The following OR6S1 variants were observed in gnomAD, a reference collection of about 807,000 sequenced individuals.
The protein encoded by OR6S1 is olfactory receptor family 6 subfamily S member 1.
For missense variants in OR6S1, 443 were observed against 401.7 expected (o/e 1.10, Z -0.88); for synonymous variants, 182 against 166.0 (o/e 1.10, Z -0.74).
rs373487750 is a variant in OR6S1, at chr14:20,641,299, A to T, written c.393T>A (p.Pro131=). The T allele has an allele frequency of 2.4e-5, 39 of 1,614,144 alleles. No homozygotes were observed. In the African/African-American group the frequency reaches 4.9e-4, roughly 20 times the overall value. ...CACTCATGAGCAAGGGGTAGCGCAG[A>T]GGATGACAGATGGCCAGGTAGCGAT... ...SADRYLAICH[P]LRYPLLMSGA... is the part of the protein sequence containing the mutation. The change falls in exon 1 of 1, where the codon CCT becomes CCA. Residue 131 remains proline (P), a synonymous_variant. Coordinates refer to ENST00000320704, the MANE Select transcript of OR6S1 (RefSeq NM_001001968.1).
At position 20,641,449 on chromosome 14, in the gene OR6S1, T is replaced by C. The variant is rs774585660; in HGVS notation, c.243A>G (p.Pro81=). The C allele has an allele frequency of 6.2e-7, 1 of 1,614,124 alleles. No homozygotes were observed. The highest frequency in any genetic ancestry group is 1.7e-5 in the Admixed American group (1 of 60,012). The change falls in exon 1 of 1, where the codon CCA becomes CCG. Residue 81 remains proline (P), a synonymous_variant. Transcript: ENST00000320704. ...LEILLTSVII[P]KMLSNFLSRQ... ...TTGAGAGGAAATTGCTCAGCATCTT[T>C]GGAATGATGACAGAAGTGAGCAGTA...
Position 20,641,276 on chromosome 14 carries a change from C to G in OR6S1, c.416G>C (p.Ser139Thr), listed in dbSNP as rs775459797. The G allele has an allele frequency of 6.2e-6, 10 of 1,614,160 alleles. No homozygotes were observed. The Admixed American group carries it at 1.7e-4, about 27-fold the overall frequency. The change falls in exon 1 of 1, where the codon AGT becomes ACT. Residue 139 changes from serine (S) to threonine (T), a missense_variant. Ser to Thr is a moderately conservative substitution (Grantham distance 58). Coordinates refer to ENST00000320704, the MANE Select transcript of OR6S1 (RefSeq NM_001001968.1). ...GGCCACACGAAAGCACACAGCCCCA[C>G]TCATGAGCAAGGGGTAGCGCAGAGG... ...CHPLRYPLLM[S>T]GAVCFRVALA...
chr14:20,641,510 A>G lies in OR6S1; in HGVS notation c.182T>C (p.Met61Thr), dbSNP rs141925359. 6.2e-7 allele frequency: 1 copy of G among 1,613,716 alleles called. No individual in the cohort carries two copies. The highest frequency in any genetic ancestry group is 1.3e-5 in the African/African-American group (1 of 75,046). The part of the protein sequence containing the change: ...VRADTRLQTP[M>T]YFFLGNLSCL... ...GGACAGGTTACCCAGAAAGAAGTAC[A>G]TAGGGGTCTGTAGTCGAGTATCAGC... is the stretch of plus-strand genomic sequence containing the variant. Residue 61 changes from methionine (M) to threonine (T), a missense_variant, in exon 1 of 1, where the codon ATG becomes ACG. Physicochemically the swap from Met to Thr is moderately conservative, Grantham distance 81. Coordinates refer to ENST00000320704, the MANE Select transcript of OR6S1 (RefSeq NM_001001968.1).
In OR6S1 at chr14:20,641,133, G is replaced by C. The variant is rs142007578; in HGVS notation, c.559C>G (p.Leu187Val). 2.1e-5 allele frequency: 34 copies of C among 1,613,964 alleles called. No homozygotes were observed. The African/African-American group carries it at 4.4e-4, about 21-fold the overall frequency. ...VQHFFCDSGP[L>V]LRLACTNTKK... The stretch of plus-strand genomic sequence containing the variant: ...GTGTTGGTGCAAGCCAGGCGGAGCA[G>C]TGGGCCACTGTCGCAGAAGAAGTGC... Residue 187 changes from leucine (L) to valine (V), a missense_variant, in exon 1 of 1, where the codon CTG (leucine) becomes GTG (valine). Coordinates refer to ENST00000320704, the MANE Select transcript of OR6S1 (RefSeq NM_001001968.1).
At position 20,641,446 on chromosome 14, in the gene OR6S1, C is replaced by A. The variant is rs771041023; in HGVS notation, c.246G>T (p.Lys82Asn). 1 of 1,614,150 alleles carries A rather than the reference C, an allele frequency of 6.2e-7. No individual in the cohort carries two copies. The highest frequency in any genetic ancestry group is 8.5e-7 in the Non-Finnish European group (1 of 1,180,000). Residue 82 changes from lysine (K) to asparagine (N), a missense_variant, in exon 1 of 1, where the codon AAG becomes AAT. By Grantham distance (94) the Lys-to-Asn change is moderately conservative (BLOSUM62 0). Coordinates refer to ENST00000320704, the MANE Select transcript of OR6S1 (RefSeq NM_001001968.1). ...EILLTSVIIP[K>N]MLSNFLSRQH... ...GCCTTGAGAGGAAATTGCTCAGCAT[C>A]TTTGGAATGATGACAGAAGTGAGCA...
rs17277515 is a variant in OR6S1 at position 20,640,750 on chromosome 14, G to A, written c.942C>T (p.Gly314=). Residue 314 remains glycine, a synonymous_variant, in exon 1 of 1, where the codon GGC becomes GGT. Transcript: ENST00000320704. The part of the protein sequence containing the change: ...LKDMFRKVVA[G]VLGNLLLDKC... The stretch of plus-strand genomic sequence containing the variant: ...TATCAAGTAAAAGATTCCCTAAAAC[G>A]CCTGCCACTACCTTCCTAAACATGT... 156,717 of 1,573,244 alleles carry A rather than the reference G, an allele frequency of 0.1. 8,081 individuals are homozygous for A. The highest frequency in any genetic ancestry group is 0.16 in the Admixed American group (9,031 of 58,246).
rs374448839 is a variant in OR6S1, at chr14:20,641,227, G to T, written c.465C>A (p.Leu155=). 1.2e-6 allele frequency: 2 copies of T among 1,613,920 alleles called. 1 individual carries two copies. Among genetic ancestry groups the T allele is most frequent in the African/African-American group, 2.7e-5 (2 of 74,920 alleles). ...RVALACWVGG[L]VPVLGPTVAV... is the part of the protein sequence containing the mutation. ...CCACTGTGGGACCAAGCACAGGGAC[G>T]AGTCCCCCCACCCAGCAGGCCAAGG... is the stretch of plus-strand genomic sequence containing the variant. The change falls in exon 1 of 1, where the codon CTC becomes CTA. Residue 155 remains leucine, a synonymous_variant. Transcript: ENST00000320704.
Position 20,640,897 on chromosome 14 carries a change from T to C in OR6S1, c.795A>G (p.Pro265=). The change falls in exon 1 of 1, where the codon CCA becomes CCG. Residue 265 remains proline (P), a synonymous_variant. Transcript: ENST00000320704. ...YGSAIFLYVR[P]SQSGSVDTNW... ...TAGTGTCCACAGAACCACTCTGCGA[T>C]GGCCGCACATAGAGAAAAATGGCAC... is the stretch of plus-strand genomic sequence containing the variant. 5 of 1,614,094 alleles carry C rather than the reference T, an allele frequency of 3.1e-6. No individual in the cohort carries two copies. Among genetic ancestry groups the C allele is most frequent in the East Asian group, 2.2e-5 (1 of 44,876 alleles).
Position 20,640,806 on chromosome 14 carries a change from G to C in OR6S1, c.886C>G (p.Arg296Gly). The change falls in exon 1 of 1, where the codon CGT (arginine) becomes GGT (glycine). Residue 296 changes from arginine to glycine, a missense_variant. Coordinates refer to ENST00000320704, the MANE Select transcript of OR6S1 (RefSeq NM_001001968.1). ...AAAGCTTCCTTGACTTGCTCATTAC[G>C]TAAGGCATAGATGAATGGATTCAAC... ...PLLNPFIYAL[R>G]NEQVKEALKD... The C allele has an allele frequency of 6.2e-7, 1 of 1,613,862 alleles. No homozygotes were observed. Among genetic ancestry groups the C allele is most frequent in the Non-Finnish European group, 8.5e-7 (1 of 1,179,954 alleles).
Position 20,640,868 on chromosome 14 carries a change from C to T in OR6S1, c.824G>A (p.Trp275Ter), listed in dbSNP as rs1359443884. 3.1e-6 allele frequency: 5 copies of T among 1,613,976 alleles called. No individual in the cohort carries two copies. The highest frequency in any genetic ancestry group is 4.2e-6 in the Non-Finnish European group (5 of 1,179,996). The change falls in exon 1 of 1, where the codon TGG becomes TAG. Residue 275 changes from tryptophan (W) to a stop codon, truncating the protein, a stop_gained. Coordinates refer to ENST00000320704, the MANE Select transcript of OR6S1 (RefSeq NM_001001968.1). LOFTEE classifies it low-confidence loss of function (END_TRUNC). ...AAATGTCGTTATTACTGTCACTGCC[C>T]AGTTAGTGTCCACAGAACCACTCTG... is the stretch of plus-strand genomic sequence containing the variant. ...PSQSGSVDTN[W>*]AVTVITTFVT...
Position 20,641,587 on chromosome 14 carries a change from A to C in OR6S1, c.105T>G (p.Leu35=). The part of the protein sequence containing the change: ...ARVELFSVFL[L]VYLLNLTGNV... ...TGCCTGTCAGATTCAGGAGATAGACAAGAAGAAACACAGAAAATAATTCCA... is the reference window on the plus strand; with the variant it reads ...TGCCTGTCAGATTCAGGAGATAGACCAGAAGAAACACAGAAAATAATTCCA... Residue 35 remains leucine (L), a synonymous_variant, in exon 1 of 1, where the codon CTT becomes CTG. Coordinates refer to ENST00000320704, the MANE Select transcript of OR6S1 (RefSeq NM_001001968.1). The C allele has an allele frequency of 6.2e-7, 1 of 1,613,950 alleles. No homozygotes were observed.
At position 20,641,616 on chromosome 14, in the gene OR6S1, T is replaced by C. The variant is rs1235344667; in HGVS notation, c.76A>G (p.Arg26Gly). 5.0e-6 allele frequency: 8 copies of C among 1,613,548 alleles called. No homozygotes were observed. Among genetic ancestry groups the C allele is most frequent in the Non-Finnish European group, 6.8e-6 (8 of 1,179,478 alleles). The change falls in exon 1 of 1, where the codon AGA (arginine) becomes GGA (glycine). Residue 26 changes from arginine to glycine, a missense_variant. By Grantham distance (125) the Arg-to-Gly change is moderately radical. Coordinates refer to ENST00000320704, the MANE Select transcript of OR6S1 (RefSeq NM_001001968.1). ...LAGLPNLNSARVELFSVFLLV... is the reference protein window; with the variant it reads ...LAGLPNLNSAGVELFSVFLLV... Reference sequence around the variant, plus strand: ...AGAAACACAGAAAATAATTCCACTCTTGCGCTGTTGAGATTTGGGAGCCCT... The same window carrying C: ...AGAAACACAGAAAATAATTCCACTCCTGCGCTGTTGAGATTTGGGAGCCCT...
In OR6S1 at chr14:20,641,294, C is replaced by A. The variant is rs768488536; in HGVS notation, c.398G>T (p.Arg133Leu). The A allele has an allele frequency of 6.2e-7, 1 of 1,613,966 alleles. No individual in the cohort carries two copies. Among genetic ancestry groups the A allele is most frequent in the Non-Finnish European group, 8.5e-7 (1 of 1,179,930 alleles). The stretch of plus-strand genomic sequence containing the variant: ...AGCCCCACTCATGAGCAAGGGGTAG[C>A]GCAGAGGATGACAGATGGCCAGGTA... ...DRYLAICHPL[R>L]YPLLMSGAVC... The change falls in exon 1 of 1, where the codon CGC becomes CTC. Residue 133 changes from arginine (R) to leucine (L), a missense_variant. Coordinates refer to ENST00000320704, the MANE Select transcript of OR6S1 (RefSeq NM_001001968.1).
Position 20,641,197 on chromosome 14 carries a change from C to T in OR6S1, c.495G>A (p.Val165=), listed in dbSNP as rs1885529509. Residue 165 remains valine (V), a synonymous_variant, in exon 1 of 1, where the codon GTG becomes GTA. Coordinates refer to ENST00000320704, the MANE Select transcript of OR6S1 (RefSeq NM_001001968.1). ...CCTGCTTACAGAAAGGAAGCAAGGC[C>T]ACAGCCACTGTGGGACCAAGCACAG... The part of the protein sequence containing the change: ...LVPVLGPTVA[V]ALLPFCKQGA... 6.2e-7 allele frequency: 1 copy of T among 1,614,016 alleles called. No homozygotes were observed. Among genetic ancestry groups the T allele is most frequent in the Non-Finnish European group, 8.5e-7 (1 of 1,179,952 alleles).
rs777396754 is a variant in OR6S1 at position 20,641,437 on chromosome 14, G to C, written c.255C>G (p.Ser85Arg). ...TAGTGTGTTGCCTTGAGAGGAAATT[G>C]CTCAGCATCTTTGGAATGATGACAG... ...LTSVIIPKML[S>R]NFLSRQHTIS... Residue 85 changes from serine (S) to arginine (R), a missense_variant, in exon 1 of 1, where the codon AGC becomes AGG. By Grantham distance (110) the Ser-to-Arg change is moderately radical. Coordinates refer to ENST00000320704, the MANE Select transcript of OR6S1 (RefSeq NM_001001968.1). The C allele has an allele frequency of 4.3e-6, 7 of 1,614,150 alleles. No individual in the cohort carries two copies. Among genetic ancestry groups the C allele is most frequent in the Non-Finnish European group, 5.9e-6 (7 of 1,180,006 alleles).
Position 20,641,223 on chromosome 14 carries a change from G to C in OR6S1, c.469C>G (p.Pro157Ala), listed in dbSNP as rs939113269. 3 of 1,613,940 alleles carry C rather than the reference G, an allele frequency of 1.9e-6. No individual in the cohort carries two copies. The African/African-American group carries it at 4.0e-5, about 22-fold the overall frequency. Residue 157 changes from proline (P) to alanine (A), a missense_variant, in exon 1 of 1, where the codon CCT (proline) becomes GCT (alanine). Pro to Ala is a conservative substitution (Grantham distance 27, BLOSUM62 -1). Transcript: ENST00000320704. ...ALACWVGGLVPVLGPTVAVAL... is the reference protein window; with the variant it reads ...ALACWVGGLVAVLGPTVAVAL... ...ACAGCCACTGTGGGACCAAGCACAG[G>C]GACGAGTCCCCCCACCCAGCAGGCC...
In OR6S1 at chr14:20,641,327, G is replaced by A. The variant is rs778559493; in HGVS notation, c.365C>T (p.Ala122Val). ...ATGACAGATGGCCAGGTAGCGATCC[G>A]CAGACATGACAGCCAACAGTAAGAA... ...SEFLLLAVMS[A>V]DRYLAICHPL... Residue 122 changes from alanine to valine, a missense_variant, in exon 1 of 1, where the codon GCG becomes GTG. Ala to Val is a moderately conservative substitution (Grantham distance 64). Coordinates refer to ENST00000320704, the MANE Select transcript of OR6S1 (RefSeq NM_001001968.1). 2.1e-5 allele frequency: 34 copies of A among 1,613,974 alleles called. No individual in the cohort carries two copies. Among genetic ancestry groups the A allele is most frequent in the Middle Eastern group, 1.6e-4 (1 of 6,082 alleles).
In OR6S1 at chr14:20,641,339, G is replaced by C; in HGVS notation, c.353C>G (p.Ala118Gly). The C allele has an allele frequency of 6.2e-7, 1 of 1,614,130 alleles. No homozygotes were observed. Among genetic ancestry groups the C allele is most frequent in the Non-Finnish European group, 8.5e-7 (1 of 1,179,990 alleles). ...CAGGTAGCGATCCGCAGACATGACA[G>C]CCAACAGTAAGAACTCGGAGGCCCC... ...FLGASEFLLL[A>G]VMSADRYLAI... Residue 118 changes from alanine (A) to glycine (G), a missense_variant, in exon 1 of 1, where the codon GCT becomes GGT. Physicochemically the swap from Ala to Gly is moderately conservative, Grantham distance 60. Transcript: ENST00000320704.
chr14:20,641,171 C>A lies in OR6S1; in HGVS notation c.521G>T (p.Gly174Val), dbSNP rs760862698. ...GCAGAAGAAGTGCTGTACCACAGCA[C>A]CCTGCTTACAGAAAGGAAGCAAGGC... ...AVALLPFCKQ[G>V]AVVQHFFCDS... The change falls in exon 1 of 1, where the codon GGT (glycine) becomes GTT (valine). Residue 174 changes from glycine (G) to valine (V), a missense_variant. Gly to Val is a moderately radical substitution (Grantham distance 109). Transcript: ENST00000320704. 3 of 1,613,996 alleles carry A rather than the reference C, an allele frequency of 1.9e-6. No individual in the cohort carries two copies. The highest frequency in any genetic ancestry group is 4.5e-5 in the East Asian group (2 of 44,902).
Sources: allele counts gnomAD v4.1 joint callset, GRCh38; gene constraint gnomAD v4.1.1; transcripts MANE v1.5; gene names NCBI Gene and HGNC (gene_info 2026-07-23, HGNC 2026-07-21).